SH3PXD2A: variants seen among roughly 807,000 people sequenced by gnomAD.
SH3PXD2A encodes SH3 and PX domain-containing protein 2A.
A neutral mutation model predicts 115.2 loss-of-function variants in SH3PXD2A; 32 were observed. The observed-to-expected ratio is 0.28, with a 90% CI of 0.21 to 0.37. The LOEUF (loss-of-function observed/expected upper bound fraction) is 0.37, where lower values mean the gene tolerates loss of function less well. SH3PXD2A is among the 10% of genes least tolerant of loss of function. The probability of loss-of-function intolerance (pLI) is 1.00; values close to 1 mark genes in which losing one functional copy is unlikely to be tolerated. For synonymous variants in SH3PXD2A, 610 were observed against 629.1 expected (o/e 0.97, Z 0.45); for missense variants, 1,328 against 1,498.7 (o/e 0.89, Z 1.88).
intron 4 of SH3PXD2A, among the ~76,000 whole-genome samples, chr10:103,732,894 A>T (rs1385805308): frequency 6.6e-6 from 1 of 152,146 alleles, no homozygotes; most frequent in Non-Finnish European, 1.5e-5. Flanking sequence ...TCGGCCGGTG[A>T]TGCTGAGTGG....
At chr10:103,640,751 TG>T (rs1312972231) in intron 8 of SH3PXD2A, among the ~76,000 whole-genome samples, 1 of 152,028 alleles carries the variant, frequency 6.6e-6, no homozygotes, top group Non-Finnish European at 1.5e-5. Context: ...TGGGAGAGCC[TG>T]GGAAGGGGCT....
intron 5 of SH3PXD2A, among the ~76,000 whole-genome samples, chr10:103,718,062 A>G (rs1554915019): frequency 6.6e-6 from 1 of 150,620 alleles, no homozygotes. Flanking sequence ...GCTGGAGTGC[A>G]GTGGTGCAAT....
intron 10 of SH3PXD2A, among the ~76,000 whole-genome samples, chr10:103,621,245 G>A (rs147831620): frequency 1.3e-5 from 2 of 152,266 alleles, no homozygotes; most frequent in South Asian, 2.1e-4. Flanking sequence ...CCAGACTTAC[G>A]TCCCACTCTC....
At chr10:103,839,462 T>C (rs1458124809) in intron 1 of SH3PXD2A, among the ~76,000 whole-genome samples, 1 of 152,184 alleles carries the variant, frequency 6.6e-6, no homozygotes, top group Non-Finnish European at 1.5e-5. Flanking sequence ...GTTTTCTGTT[T>C]TACGTTAATT....
At chr10:103,830,848 G>T (rs2039476261) in intron 1 of SH3PXD2A, among the ~76,000 whole-genome samples, 1 of 152,198 alleles carries the variant, frequency 6.6e-6, no homozygotes, top group Non-Finnish European at 1.5e-5. Context: ...GGATGGCTAA[G>T]AGGAAAAGGG....
chr10:103,822,118 T>C (rs2039387382), intron 1 of SH3PXD2A, among the ~76,000 whole-genome samples: 1 of 152,182 alleles, frequency 6.6e-6, no homozygotes, highest in Non-Finnish European at 1.5e-5. Flanking sequence ...CTCAAACTCC[T>C]AACCTTAGGT....
At chr10:103,653,852 T>G (rs2134030186) in intron 8 of SH3PXD2A, among the ~76,000 whole-genome samples, 1 of 152,186 alleles carries the variant, frequency 6.6e-6, no homozygotes, top group African/African-American at 2.4e-5. Context: ...CCGGAGGGCT[T>G]GCCTCAAGGC....
intron 8 of SH3PXD2A, among the ~76,000 whole-genome samples, chr10:103,637,097 G>A (rs1242947543): frequency 2.0e-5 from 3 of 152,204 alleles, no homozygotes; most frequent in East Asian, 1.9e-4. Context: ...CCTGTTCCAG[G>A]CACGAGGACA....
At chr10:103,670,544 G>T (rs1358948618) in intron 6 of SH3PXD2A, among the ~76,000 whole-genome samples, 1 of 152,140 alleles carries the variant, frequency 6.6e-6, no homozygotes, top group African/African-American at 2.4e-5. Flanking sequence ...GGCCTGCAAG[G>T]ACAAGAACTA....
chr10:103,689,264 G>A (rs2037718105), intron 6 of SH3PXD2A, among the ~76,000 whole-genome samples: 2 of 152,212 alleles, frequency 1.3e-5, no homozygotes, highest in African/African-American at 4.8e-5. Flanking sequence ...AGGTAGGAAG[G>A]TGGGGTCTTC....
At chr10:103,802,945 A>T (rs77746377) in intron 1 of SH3PXD2A, among the ~76,000 whole-genome samples, 4,392 of 152,316 alleles carry the variant, frequency 0.029, 202 homozygotes, top group African/African-American at 0.096. Flanking sequence ...ATCTGGGCCA[A>T]GATGAGGAGG....
rs2036187163 is a variant in SH3PXD2A, at chr10:103,599,599, A to C, written c.*2217T>G. The C allele has an allele frequency of 6.6e-6, 1 of 152,638 alleles. No homozygotes were observed. Among genetic ancestry groups the C allele is most frequent in the Non-Finnish European group, 1.5e-5 (1 of 68,042 alleles). The allele number at this position is 152,638 out of a possible 1,614,324, so 9.5% of individuals were successfully genotyped here. A position where few individuals can be genotyped will look rare whatever the true frequency, so the allele number is the denominator to read the frequency against. Reference sequence around the variant, plus strand: ...ATATGTGCTGTTTAAAAATGAGAAAAGTATATACTGCATCTTTAAGTAATG... The same window carrying C: ...ATATGTGCTGTTTAAAAATGAGAAACGTATATACTGCATCTTTAAGTAATG... On this transcript the variant is annotated 3_prime_UTR_variant, in exon 15 of 15. Coordinates refer to ENST00000369774, the MANE Select transcript of SH3PXD2A (RefSeq NM_001394015.1).
intron 1 of SH3PXD2A, among the ~76,000 whole-genome samples, chr10:103,810,891 T>G (rs11191814): frequency 2.7e-5 from 4 of 145,884 alleles, no homozygotes; most frequent in Admixed American, 6.7e-5. Flanking sequence ...CAGGGACACA[T>G]ACACACAGAA....
chr10:103,803,961 G>A (rs1332123552), intron 1 of SH3PXD2A, among the ~76,000 whole-genome samples: 1 of 152,194 alleles, frequency 6.6e-6, no homozygotes, highest in Non-Finnish European at 1.5e-5. Context: ...GGGGCTTCCA[G>A]GTCATAGGTG....
At chr10:103,637,268 GA>G (rs1246188731) in intron 8 of SH3PXD2A, among the ~76,000 whole-genome samples, 1 of 152,198 alleles carries the variant, frequency 6.6e-6, no homozygotes, top group African/African-American at 2.4e-5. Context: ...TTCAAGGCAG[GA>G]TGAGACTCAG....
intron 13 of SH3PXD2A, among the ~76,000 whole-genome samples, chr10:103,606,928 A>G (rs1434197353): frequency 5.4e-5 from 8 of 148,178 alleles, no homozygotes; most frequent in East Asian, 2.0e-4. Context: ...CCGTCTGGGA[A>G]GTGAGGAGCG....
intron 3 of SH3PXD2A, 114 bp from the exon 4 acceptor site, chr10:103,735,922 C>T: frequency 1.2e-6 from 1 of 829,596 alleles, no homozygotes. Context: ...CCTGCCACCA[C>T]CCCGTCCACG....
rs896424825 is a variant in SH3PXD2A, at chr10:103,620,937, ATG to A, written c.802+1531_802+1532del. 3.9e-5 allele frequency among the ~76,000 whole-genome samples: 6 copies of A among 151,922 alleles called. No homozygotes were observed. The highest frequency in any genetic ancestry group is 7.3e-5 in the African/African-American group (3 of 41,322). ...TGGCGTATGTGTGTATGTTGCGTAT[ATG>A]TGTGTGTGTGATGATTTTGTGACTG... On this transcript the variant is annotated intron_variant, in intron 10 of 14. Transcript: ENST00000369774. This position sits in a 1 kb window ranked among gnomAD's most constrained non-coding sequence, Gnocchi z 5.3.
intron 5 of SH3PXD2A, among the ~76,000 whole-genome samples, chr10:103,706,968 T>G (rs2037988712): frequency 6.6e-6 from 1 of 152,214 alleles, no homozygotes; most frequent in African/African-American, 2.4e-5. Flanking sequence ...GACATCACCT[T>G]GGTTGTCATG....
Sources: gnomAD v4.1 joint callset for allele counts (sites outside exome capture counted in the v4.1 genomes callset) on GRCh38, gnomAD v4.1.1 for gene constraint, Gnocchi (gnomAD v3.1) non-coding constraint, MANE v1.5 for transcripts, NCBI Gene and HGNC (gene_info 2026-07-23, HGNC 2026-07-21) for gene names.